Variants in CNTN3 observed in about 807,000 individuals in gnomAD.
The protein encoded by CNTN3 is contactin-3.
CNTN3 carries 60 observed loss-of-function variants against 119.1 expected under a neutral mutation model. The observed-to-expected ratio is 0.50, with a 90% CI of 0.41 to 0.62. The LOEUF (loss-of-function observed/expected upper bound fraction) is 0.62. Ranked by LOEUF, CNTN3 falls within the 20% of genes least tolerant of loss-of-function variation. The pLI is 0.00. For synonymous variants in CNTN3, 450 were observed against 438.7 expected (o/e 1.03, Z -0.32); for missense variants, 1,101 against 1,242.4 (o/e 0.89, Z 1.71).
chr3:74,467,147 A>G (rs180744590), intron 4 of CNTN3, among the ~76,000 whole-genome samples: 236 of 152,286 alleles, frequency 1.5e-3, no homozygotes, highest in African/African-American at 5.5e-3. Context: ...CTCTTGAGTC[A>G]CATATTCTTC....
chr3:74,503,140 T>C (rs949619329), intron 2 of CNTN3, among the ~76,000 whole-genome samples: 1 of 152,178 alleles, frequency 6.6e-6, no homozygotes, highest in African/African-American at 2.4e-5. Context: ...CTGACCATAG[T>C]AACAGAGTTT....
At chr3:74,315,605 ATAGAAT>A (rs1267771116) in intron 13 of CNTN3, among the ~76,000 whole-genome samples, 1 of 152,232 alleles carries the variant, frequency 6.6e-6, no homozygotes, top group Non-Finnish European at 1.5e-5. Flanking sequence ...TCAGACCGTA[ATAGAAT>A]TAAACTAAAA....
At chr3:74,559,736 T>C (rs1704126062) in intron 1 of CNTN3, among the ~76,000 whole-genome samples, 2 of 152,224 alleles carry the variant, frequency 1.3e-5, no homozygotes, top group Non-Finnish European at 2.9e-5. Flanking sequence ...CATCCTATTT[T>C]ATTTCAATCT....
intron 16 of CNTN3, among the ~76,000 whole-genome samples, 179 bp from the exon 17 acceptor site, chr3:74,300,117 A>G (rs1702423988): frequency 6.6e-6 from 1 of 152,174 alleles, no homozygotes; most frequent in Non-Finnish European, 1.5e-5. Flanking sequence ...TTTTTATGAG[A>G]TCATCAAACA....
intron 8 of CNTN3, among the ~76,000 whole-genome samples, chr3:74,367,897 G>A (rs1575664737): frequency 1.3e-5 from 2 of 152,110 alleles, no homozygotes; most frequent in East Asian, 1.9e-4. Flanking sequence ...TAGTGGTTGC[G>A]CAGAAAGAAG....
At position 74,273,193 on chromosome 3, in the gene CNTN3, A is replaced by G. The variant is rs558484664; in HGVS notation, c.2705-5815T>C. The stretch of plus-strand genomic sequence containing the variant: ...TGTTTGAGGTAGCAATAGTCATTTA[A>G]TAAAAACCGTCTGAAACATTCAGAC... On this transcript the variant is annotated intron_variant, in intron 20 of 22. Transcript: ENST00000263665. Among the ~76,000 whole-genome samples, 15 of 152,316 alleles carry G rather than the reference A, an allele frequency of 9.8e-5. 1 individual carries two copies. The East Asian group carries it at 1.2e-3, about 12-fold the overall frequency.
intron 5 of CNTN3, among the ~76,000 whole-genome samples, chr3:74,390,050 A>T (rs1704857358): frequency 6.6e-6 from 1 of 152,172 alleles, no homozygotes; most frequent in African/African-American, 2.4e-5. Context: ...GCCCATTCAG[A>T]TGCCTCCATC....
chr3:74,596,175 T>C (rs527329833), intron 1 of CNTN3, among the ~76,000 whole-genome samples: 2 of 151,496 alleles, frequency 1.3e-5, no homozygotes, highest in Non-Finnish European at 2.9e-5. Flanking sequence ...CACTGCTCAA[T>C]GAAATAAAAG....
intron 1 of CNTN3, among the ~76,000 whole-genome samples, chr3:74,572,991 G>A (rs1042779076): frequency 6.6e-6 from 1 of 152,202 alleles, no homozygotes; most frequent in Admixed American, 6.5e-5. Flanking sequence ...CCAGGGTGGG[G>A]AGTGTGGATG....
intron 3 of CNTN3, among the ~76,000 whole-genome samples, chr3:74,492,234 T>G (rs371881570): frequency 7.9e-5 from 12 of 152,294 alleles, no homozygotes; most frequent in African/African-American, 2.9e-4. Flanking sequence ...TAATTCTCAA[T>G]GAGCTTTCAT....
intron 4 of CNTN3, among the ~76,000 whole-genome samples, chr3:74,436,769 C>T (rs1701873675): frequency 6.6e-6 from 1 of 152,130 alleles, no homozygotes; most frequent in Non-Finnish European, 1.5e-5. Context: ...AAACAAAAAT[C>T]TTCATTCTGT....
In CNTN3 at chr3:74,366,736, G is replaced by A. The variant is rs762017266; in HGVS notation, c.947-1034C>T. ...TTTTACAGATAATGTATTCATCTAA[G>A]TTTTCTCTTTTATGTGTGTGTGCGT... On this transcript the variant is annotated intron_variant, in intron 8 of 22. Coordinates refer to ENST00000263665, the MANE Select transcript of CNTN3 (RefSeq NM_020872.3). 9.2e-4 allele frequency among the ~76,000 whole-genome samples: 128 copies of A among 139,532 alleles called. 1 individual carries two copies. The highest frequency in any genetic ancestry group is 1.5e-3 in the Non-Finnish European group (96 of 65,232). The allele number at this position is 139,532 out of a possible 152,430, so 91.5% of individuals were successfully genotyped here. A position where few individuals can be genotyped will look rare whatever the true frequency, so the allele number is the denominator to read the frequency against.
chr3:74,603,625 C>A (rs1456013857), intron 1 of CNTN3, among the ~76,000 whole-genome samples: 1 of 151,984 alleles, frequency 6.6e-6, no homozygotes, highest in African/African-American at 2.4e-5. Flanking sequence ...CAGTTACTTA[C>A]TTTTTTTAAG....
chr3:74,294,696 T>C (rs570488821), intron 19 of CNTN3, among the ~76,000 whole-genome samples: 18 of 152,238 alleles, frequency 1.2e-4, no homozygotes, highest in African/African-American at 4.3e-4. Context: ...GCTCAAAATA[T>C]CTTACAGACA....
rs200086250 is a variant in CNTN3 at position 74,486,644 on chromosome 3, T to A, written c.183-13A>T. On this transcript the variant is annotated splice_polypyrimidine_tract_variant and intron_variant, in intron 3 of 22. Transcript: ENST00000263665. ...ATTCAGCTGCCATCTGTAAAACAAA[T>A]ATCAAGGTTCCCCCCCCTTAGTATT... is the stretch of plus-strand genomic sequence containing the variant. The A allele has an allele frequency of 2.8e-4, 423 of 1,513,724 alleles. 2 individuals carry two copies. Among genetic ancestry groups the A allele is most frequent in the South Asian group, 2.1e-3 (157 of 75,834 alleles). 93.8% of individuals were successfully genotyped at this position (1,513,724 alleles called of 1,614,324 possible).
intron 4 of CNTN3, among the ~76,000 whole-genome samples, chr3:74,448,589 A>G (rs1702090319): frequency 6.6e-6 from 1 of 152,154 alleles, no homozygotes; most frequent in African/African-American, 2.4e-5. Flanking sequence ...TAGCTTGCCT[A>G]CACACACCTC....
At chr3:74,605,321 TATA>T (rs1201278569) in intron 1 of CNTN3, among the ~76,000 whole-genome samples, 1 of 152,144 alleles carries the variant, frequency 6.6e-6, no homozygotes, top group Non-Finnish European at 1.5e-5. Flanking sequence ...AAGCATGTGA[TATA>T]ATATGTTATT....
chr3:74,564,906 G>A lies in CNTN3; in HGVS notation c.-80-43714C>T, dbSNP rs557112238. ...AATGAAATGTGATGTTAGAGAACAG[G>A]CTGGTACTAAGACAGAATATTATTT... On this transcript the variant is annotated intron_variant, in intron 1 of 22. Transcript: ENST00000263665. 2.0e-5 allele frequency among the ~76,000 whole-genome samples: 3 copies of A among 152,086 alleles called. No individual in the cohort carries two copies. The South Asian group carries it at 6.2e-4, about 32-fold the overall frequency.
intron 5 of CNTN3, among the ~76,000 whole-genome samples, chr3:74,388,625 T>A (rs1337725391): frequency 1.3e-5 from 2 of 152,178 alleles, no homozygotes; most frequent in South Asian, 4.1e-4. Context: ...TGATAAATTA[T>A]ATCCTAAGAA....
Sources: gnomAD v4.1 joint callset for allele counts (sites outside exome capture counted in the v4.1 genomes callset) on GRCh38, gnomAD v4.1.1 for gene constraint, MANE v1.5 for transcripts, NCBI Gene and HGNC (gene_info 2026-07-23, HGNC 2026-07-21) for gene names.